The following EYA2 variants were observed in gnomAD, a reference collection of about 807,000 sequenced individuals.
The protein encoded by EYA2 is protein phosphatase EYA2.
Under a neutral mutation model 69.2 loss-of-function variants are expected in EYA2, and 31 were observed. That is an observed-to-expected ratio of 0.45 (90% CI 0.34 to 0.60). EYA2 has a LOEUF of 0.60. Among genes scored for constraint, EYA2 ranks in the 20% least tolerant of loss-of-function variants. The pLI is 0.02. For synonymous variants in EYA2, 257 were observed against 279.4 expected, an observed-to-expected ratio of 0.92 and a Z score of 0.80; for missense variants, 622 against 701.2, an observed-to-expected ratio of 0.89 and a Z score of 1.28.
chr20:46,918,983 A>G (rs1275903938), intron 1 of EYA2, among the ~76,000 whole-genome samples: 1 of 152,212 alleles, frequency 6.6e-6, no homozygotes, highest in Non-Finnish European at 1.5e-5. Flanking sequence ...CTCTTGGGTG[A>G]CCACGTGGAC....
intron 9 of EYA2, among the ~76,000 whole-genome samples, chr20:47,107,110 C>A (rs1053987199): frequency 1.3e-5 from 2 of 152,122 alleles, no homozygotes; most frequent in African/African-American, 4.8e-5. Context: ...GTGCCTCCTG[C>A]ATGCCAGGTG....
chr20:47,139,768 TC>T (rs2033556355), intron 9 of EYA2, among the ~76,000 whole-genome samples: 1 of 152,112 alleles, frequency 6.6e-6, no homozygotes, highest in South Asian at 2.1e-4. Flanking sequence ...AGGTGCTACT[TC>T]TTGATTCTTT....
intron 1 of EYA2, among the ~76,000 whole-genome samples, chr20:46,927,318 C>T (rs781350999): frequency 3.3e-5 from 5 of 152,164 alleles, no homozygotes; most frequent in South Asian, 2.1e-4. Context: ...ATATGAGCCC[C>T]GCCGGGATCT....
intron 9 of EYA2, among the ~76,000 whole-genome samples, chr20:47,125,985 A>G (rs4141915): frequency 6.6e-6 from 1 of 152,286 alleles, no homozygotes; most frequent in South Asian, 2.1e-4. Context: ...TAATTGACAC[A>G]GAAGAAAAGT....
intron 9 of EYA2, among the ~76,000 whole-genome samples, chr20:47,138,559 G>A (rs1245636438): frequency 6.6e-6 from 1 of 151,984 alleles, no homozygotes. Flanking sequence ...AGACCAGCCT[G>A]GGCAACATGG....
chr20:46,968,990 G>A (rs1979962956), intron 1 of EYA2, among the ~76,000 whole-genome samples: 1 of 152,202 alleles, frequency 6.6e-6, no homozygotes. Flanking sequence ...AGTGCTGAGT[G>A]CATAATGAGC....
rs1321779832 is a variant in EYA2 at position 47,130,843 on chromosome 20, A to G, written c.889-12216A>G. Among the ~76,000 whole-genome samples, 5 of 152,280 alleles carry G rather than the reference A, an allele frequency of 3.3e-5. No homozygotes were observed. The South Asian group carries it at 1.0e-3, about 32-fold the overall frequency. ...GGTGGCTCATGCCTATAATCCCAAC[A>G]CTTTGGGAGGCCAAGGTAGGCAGAT... On this transcript the variant is annotated intron_variant, in intron 9 of 15. Transcript: ENST00000327619.
At chr20:47,022,076 C>A (rs1260883523) in intron 5 of EYA2, among the ~76,000 whole-genome samples, 2 of 152,158 alleles carry the variant, frequency 1.3e-5, no homozygotes, top group East Asian at 3.8e-4. Context: ...GACATCTTTG[C>A]TACAGGACTT....
chr20:46,933,920 A>G (rs1295447343), intron 1 of EYA2, among the ~76,000 whole-genome samples: 1 of 152,216 alleles, frequency 6.6e-6, no homozygotes, highest in Non-Finnish European at 1.5e-5. Context: ...TGGATGAATG[A>G]ATGAATTTAC....
chr20:46,968,499 A>C (rs1180717544), intron 1 of EYA2, among the ~76,000 whole-genome samples: 1 of 152,142 alleles, frequency 6.6e-6, no homozygotes, highest in Non-Finnish European at 1.5e-5. Context: ...CCGTCACCCT[A>C]TACTGCCCCC....
At chr20:46,983,649 A>G (rs1176908469) in intron 1 of EYA2, among the ~76,000 whole-genome samples, 1 of 152,240 alleles carries the variant, frequency 6.6e-6, no homozygotes, top group Non-Finnish European at 1.5e-5. Context: ...CTCAAGGCTA[A>G]TAACTTTCAA....
chr20:46,980,170 T>G (rs1980738992), intron 1 of EYA2, among the ~76,000 whole-genome samples: 1 of 152,218 alleles, frequency 6.6e-6, no homozygotes, highest in Non-Finnish European at 1.5e-5. Context: ...TACCACTGAC[T>G]AGCCAGGTCA....
chr20:47,005,887 TA>T (rs967700189), intron 4 of EYA2, among the ~76,000 whole-genome samples: 19 of 152,230 alleles, frequency 1.2e-4, no homozygotes, highest in East Asian at 9.6e-4. Context: ...TCCTAGCTGA[TA>T]TCTTAACCAA....
rs149969060 is a variant in EYA2, at chr20:46,975,743, C to A, written c.-10-14258C>A. Among the ~76,000 whole-genome samples, 1,299 of 152,194 alleles carry A rather than the reference C, an allele frequency of 8.5e-3. 13 individuals carry two copies. Among genetic ancestry groups the A allele is most frequent in the Non-Finnish European group, 0.011 (754 of 68,016 alleles). On this transcript the variant is annotated intron_variant, in intron 1 of 15. Transcript: ENST00000327619. The stretch of plus-strand genomic sequence containing the variant: ...TAGCCTGGCCAACATGGCAAAACCC[C>A]ATCTCTACTGAAAATACAAAAATTA...
intron 1 of EYA2, among the ~76,000 whole-genome samples, chr20:46,988,203 T>C (rs1431278637): frequency 7.5e-5 from 2 of 26,706 alleles, no homozygotes; most frequent in African/African-American, 3.6e-4. Flanking sequence ...TTGGTGTCCA[T>C]GGCGGGGGGC....
intron 9 of EYA2, among the ~76,000 whole-genome samples, chr20:47,097,751 C>T (rs2032295177): frequency 6.6e-6 from 1 of 152,168 alleles, no homozygotes; most frequent in African/African-American, 2.4e-5. Flanking sequence ...TTTAATAATG[C>T]AAAAATGAAC....
intron 10 of EYA2, among the ~76,000 whole-genome samples, chr20:47,165,441 C>T (rs948438160): frequency 6.6e-6 from 1 of 152,176 alleles, no homozygotes; most frequent in African/African-American, 2.4e-5. Context: ...TTCAGGGTCA[C>T]CCTTTAGCAT....
chr20:47,022,418 A>G (rs1435657191), intron 5 of EYA2, among the ~76,000 whole-genome samples: 1 of 152,060 alleles, frequency 6.6e-6, no homozygotes, highest in Non-Finnish European at 1.5e-5. Flanking sequence ...GATTCAAGCA[A>G]TTCTCTAGCC....
chr20:47,043,994 A>G (rs1325044898), intron 5 of EYA2, among the ~76,000 whole-genome samples: 2 of 152,320 alleles, frequency 1.3e-5, no homozygotes, highest in East Asian at 3.9e-4. Flanking sequence ...CTATCCTTTT[A>G]ACCACAGACT....
Sources: allele counts gnomAD v4.1 joint callset (sites outside exome capture counted in the v4.1 genomes callset), GRCh38; gene constraint gnomAD v4.1.1; transcripts MANE v1.5; gene names NCBI Gene and HGNC (gene_info 2026-07-23, HGNC 2026-07-21).